NUP210: variants seen among roughly 807,000 people sequenced by gnomAD.
NUP210 encodes nuclear pore membrane glycoprotein 210.
Under a neutral mutation model 196.0 loss-of-function variants are expected in NUP210, and 151 were observed. The observed-to-expected ratio is 0.77, with a 90% CI of 0.67 to 0.88. The LOEUF (loss-of-function observed/expected upper bound fraction) is 0.88. Among genes scored for constraint, NUP210 ranks in the 40% least tolerant of loss-of-function variants. The probability of loss-of-function intolerance (pLI) is 0.00; values close to 1 mark genes in which losing one functional copy is unlikely to be tolerated. For synonymous variants in NUP210, 1,070 were observed against 1,052.7 expected, an observed-to-expected ratio of 1.02 and a Z score of -0.32; for missense variants, 2,314 against 2,493.7, an observed-to-expected ratio of 0.93 and a Z score of 1.53.
At chr3:13,415,159 T>A (rs1576433289) in intron 1 of NUP210, among the ~76,000 whole-genome samples, 1 of 152,066 alleles carries the variant, frequency 6.6e-6, no homozygotes, top group Non-Finnish European at 1.5e-5. Flanking sequence ...ACCTGGGAGG[T>A]GGAGGTTGCA....
In NUP210 at chr3:13,379,956, TA is replaced by T. The variant is rs11303861; in HGVS notation, c.818-236del. Among the ~76,000 whole-genome samples, 88,126 of 151,688 alleles carry T rather than the reference TA, an allele frequency of 0.58. 26,749 individuals carry two copies. Among genetic ancestry groups the T allele is most frequent in the African/African-American group, 0.76 (31,631 of 41,408 alleles). On this transcript the variant is annotated intron_variant, in intron 6 of 39. Coordinates refer to ENST00000254508, the MANE Select transcript of NUP210 (RefSeq NM_024923.4). This position sits in a 1 kb window ranked among gnomAD's most constrained non-coding sequence, Gnocchi z 4.2. ...AATCAGTTTTTCTGTGTAAGCTGTTTAAAAAAAAAATTAACCACAATCTATT... is the reference window on the plus strand; with the variant it reads ...AATCAGTTTTTCTGTGTAAGCTGTTTAAAAAAAAATTAACCACAATCTATT...
At chr3:13,383,545 CAG>C (rs1377196291) in intron 6 of NUP210, among the ~76,000 whole-genome samples, 3 of 52,904 alleles carry the variant, frequency 5.7e-5, no homozygotes, top group Non-Finnish European at 1.1e-4. Context: ...TTTTTTGAGA[CAG>C]AGTCTCACTC....
chr3:13,390,579 G>C (rs557052391), intron 4 of NUP210, among the ~76,000 whole-genome samples: 1 of 152,212 alleles, frequency 6.6e-6, no homozygotes, highest in African/African-American at 2.4e-5. Flanking sequence ...TCTGGGGCCC[G>C]TGGCTCCCAC....
Position 13,340,053 on chromosome 3 carries a change from C to G in NUP210, c.3292-20G>C, listed in dbSNP as rs199962580. ...GGTGACCTGAGCGGGGAGGAAACAG[C>G]GGCGTGTCAGTGCCCGTCATGCCAG... On this transcript the variant is annotated intron_variant, in intron 24 of 39. Transcript: ENST00000254508. The surrounding 1 kb of genome is among the most constrained non-coding windows in gnomAD (Gnocchi z 4.0). 6.2e-7 allele frequency: 1 copy of G among 1,610,180 alleles called. No individual in the cohort carries two copies. Among genetic ancestry groups the G allele is most frequent in the Non-Finnish European group, 8.5e-7 (1 of 1,177,410 alleles).
chr3:13,384,328 A>G (rs993748342), intron 6 of NUP210, among the ~76,000 whole-genome samples: 2 of 152,210 alleles, frequency 1.3e-5, no homozygotes, highest in Admixed American at 1.3e-4. Context: ...GGAAATTCCA[A>G]TTGATCCTAC....
chr3:13,375,570 G>A lies in NUP210; in HGVS notation c.1365C>T (p.Thr455=), dbSNP rs370655705. 3.1e-6 allele frequency: 5 copies of A among 1,613,954 alleles called. No individual in the cohort carries two copies. The highest frequency in any genetic ancestry group is 1.3e-5 in the African/African-American group (1 of 74,888). ...GAAATGTCAAGATGCTGGGATACAG[G>A]GTGATCGGGATGTGAATTTCCACCT... ...QQEVEIHIPI[T]LYPSILTFPW... Residue 455 remains threonine, a synonymous_variant, in exon 11 of 40, where the codon ACC becomes ACT. Coordinates refer to ENST00000254508, the MANE Select transcript of NUP210 (RefSeq NM_024923.4).
At chr3:13,414,910 TC>T (rs1372029418) in intron 1 of NUP210, among the ~76,000 whole-genome samples, 2 of 152,186 alleles carry the variant, frequency 1.3e-5, no homozygotes, top group Non-Finnish European at 2.9e-5. Context: ...CACTGTCACA[TC>T]CCAGGACCTC....
intron 1 of NUP210, among the ~76,000 whole-genome samples, chr3:13,401,222 T>C (rs1699825922): frequency 7.9e-6 from 1 of 127,050 alleles, no homozygotes; most frequent in African/African-American, 3.2e-5. Flanking sequence ...ATCAAGCCAT[T>C]GCATTCCAGC....
At chr3:13,349,180 C>T (rs1159041910) in intron 20 of NUP210, among the ~76,000 whole-genome samples, 1 of 152,150 alleles carries the variant, frequency 6.6e-6, no homozygotes, top group Non-Finnish European at 1.5e-5. Flanking sequence ...GCCTGTGGTG[C>T]GTGAAATAAG....
chr3:13,336,144 A>G, intron 27 of NUP210, among the ~76,000 whole-genome samples: 1 of 152,198 alleles, frequency 6.6e-6, no homozygotes, highest in African/African-American at 2.4e-5. Context: ...AGGAAATCCT[A>G]TCCCTGGGCT....
chr3:13,334,023 C>T (rs1697108820), intron 28 of NUP210, among the ~76,000 whole-genome samples: 1 of 152,136 alleles, frequency 6.6e-6, no homozygotes. Flanking sequence ...TCATTGCCTG[C>T]TGATTTTGCT....
At position 13,389,476 on chromosome 3, in the gene NUP210, C is replaced by T. The variant is rs551768455; in HGVS notation, c.534-1023G>A. Among the ~76,000 whole-genome samples the T allele has an allele frequency of 3.5e-4, 54 of 152,276 alleles. No homozygotes were observed. The South Asian group carries it at 6.2e-3, about 18-fold the overall frequency. ...AGGAGGCTGAGGCTCAGGTGGGTAA[C>T]GTTCCCTGGCTAAGGACACAGGCAG... On this transcript the variant is annotated intron_variant, in intron 4 of 39. Coordinates refer to ENST00000254508, the MANE Select transcript of NUP210 (RefSeq NM_024923.4).
At chr3:13,390,792 C>T (rs947665036) in intron 4 of NUP210, among the ~76,000 whole-genome samples, 2 of 152,236 alleles carry the variant, frequency 1.3e-5, no homozygotes, top group African/African-American at 2.4e-5. Flanking sequence ...TCTTACTATA[C>T]CGCCATATGG....
intron 3 of NUP210, among the ~76,000 whole-genome samples, chr3:13,396,282 G>A (rs1699651084): frequency 6.6e-6 from 1 of 152,104 alleles, no homozygotes; most frequent in Non-Finnish European, 1.5e-5. Flanking sequence ...ATACTATCTA[G>A]GCTAAGAAAT....
chr3:13,420,246 C>G lies in NUP210; in HGVS notation c.-20G>C, dbSNP rs747797588. 4.9e-4 allele frequency: 528 copies of G among 1,082,020 alleles called. No homozygotes were observed. The highest frequency in any genetic ancestry group is 5.5e-4 in the Non-Finnish European group (492 of 892,700). The allele number at this position is 1,082,020 out of a possible 1,614,324, so 67.0% of individuals were successfully genotyped here. On this transcript the variant is annotated 5_prime_UTR_variant, in exon 1 of 40. Coordinates refer to ENST00000254508, the MANE Select transcript of NUP210 (RefSeq NM_024923.4). The surrounding 1 kb of genome is among the most constrained non-coding windows in gnomAD (Gnocchi z 4.8). ...CGCCATCCTCGCCGCGCGTCACCTC[C>G]CGCGACCCTGCGCCCGGCCGCCCGC... is the stretch of plus-strand genomic sequence containing the variant.
chr3:13,408,656 C>T (rs1191077958), intron 1 of NUP210, among the ~76,000 whole-genome samples: 4 of 152,008 alleles, frequency 2.6e-5, no homozygotes, highest in Non-Finnish European at 2.9e-5. Flanking sequence ...GGCATCATGG[C>T]GTGCACCTGT....
intron 16 of NUP210, among the ~76,000 whole-genome samples, chr3:13,355,905 GC>G (rs1476999109): frequency 1.3e-5 from 2 of 152,188 alleles, no homozygotes; most frequent in Admixed American, 1.3e-4. Flanking sequence ...CCCATTTGAG[GC>G]AACAACATAA....
chr3:13,360,512 A>C (rs780544876), intron 14 of NUP210, 21 bp from the exon 15 acceptor site: 1 of 1,583,644 alleles, frequency 6.3e-7, no homozygotes, highest in Non-Finnish European at 8.6e-7. Context: ...AAGAGGCAGA[A>C]GACTTGGCAT....
intron 6 of NUP210, among the ~76,000 whole-genome samples, chr3:13,381,249 C>G (rs1699087932): frequency 6.6e-6 from 1 of 152,172 alleles, no homozygotes. Flanking sequence ...CCCTTGTTTA[C>G]TTTAAAGTTT....
Sources: allele counts gnomAD v4.1 joint callset (sites outside exome capture counted in the v4.1 genomes callset), GRCh38; gene constraint gnomAD v4.1.1; non-coding constraint Gnocchi (gnomAD v3.1); transcripts MANE v1.5; gene names NCBI Gene and HGNC (gene_info 2026-07-23, HGNC 2026-07-21).